Variants in CIAO2A observed in about 807,000 individuals in gnomAD.
CIAO2A encodes the protein MIP18 family protein FAM96A.
A neutral mutation model predicts 22.4 loss-of-function variants in CIAO2A; 17 were observed. The observed-to-expected ratio is 0.76, with a 90% confidence interval of 0.52 to 1.14. The LOEUF is 1.14. Among genes scored for constraint, CIAO2A ranks in the 50% most tolerant of loss-of-function variants. The pLI is 0.00. For synonymous variants in CIAO2A, 74 were observed against 72.3 expected, an observed-to-expected ratio of 1.02 and a Z score of -0.12; for missense variants, 192 against 191.4, an observed-to-expected ratio of 1.00 and a Z score of -0.02.
In CIAO2A at chr15:64,093,651, C is replaced by T. The variant is rs960443007; in HGVS notation, c.118G>A (p.Val40Ile). Residue 40 changes from valine (V) to isoleucine (I), a missense_variant, in exon 1 of 5, where the codon GTT becomes ATT. By Grantham distance (29) the Val-to-Ile change is conservative. Coordinates refer to ENST00000300030, the MANE Select transcript of CIAO2A (RefSeq NM_032231.7). ...GCTGGGTAAAATTAATTACCATAAA[C>T]TTCTAGCGCTTTCTCTTCCATGATC... ...PRIMEEKALEVYDLIRTIRDP... is the reference protein window; with the variant it reads ...PRIMEEKALEIYDLIRTIRDP... The T allele has an allele frequency of 3.7e-6, 6 of 1,613,656 alleles. No individual in the cohort carries two copies. Among genetic ancestry groups the T allele is most frequent in the Non-Finnish European group, 5.1e-6 (6 of 1,179,848 alleles).
chr15:64,091,259 T>A (rs4776837), intron 1 of CIAO2A, among the ~76,000 whole-genome samples: 84,907 of 152,046 alleles, frequency 0.56, 27,752 homozygotes, highest in East Asian at 0.81. Flanking sequence ...GGCAAGTGGA[T>A]CACCCACCTG....
At position 64,093,765 on chromosome 15, in the gene CIAO2A, G is replaced by A. The variant is rs200860299; in HGVS notation, c.4C>T (p.Gln2Ter). ...CAGGAGAGCAGCCCGGACACCCGCTGCATCTTCACGCTCAGCCATCCCTGG... is the reference window on the plus strand; with the variant it reads ...CAGGAGAGCAGCCCGGACACCCGCTACATCTTCACGCTCAGCCATCCCTGG... M[Q>*]RVSGLLSWTL... The change falls in exon 1 of 5, where the codon CAG (glutamine) becomes TAG (stop). Residue 2 changes from glutamine to a stop codon, truncating the protein, a stop_gained. Transcript: ENST00000300030. LOFTEE classifies it high-confidence loss of function. 4 of 1,609,960 alleles carry A rather than the reference G, an allele frequency of 2.5e-6. No individual in the cohort carries two copies. The East Asian group carries it at 8.9e-5, about 36-fold the overall frequency.
chr15:64,084,900 C>G (rs1261835134), intron 2 of CIAO2A, among the ~76,000 whole-genome samples: 4 of 152,070 alleles, frequency 2.6e-5, no homozygotes, highest in Non-Finnish European at 4.4e-5. Context: ...CGAGACCAGC[C>G]TGGCCAACAT....
At chr15:64,077,852 T>C (rs2080730770) in intron 3 of CIAO2A, among the ~76,000 whole-genome samples, 1 of 152,244 alleles carries the variant, frequency 6.6e-6, no homozygotes, top group African/African-American at 2.4e-5. Flanking sequence ...GTAGATGAGA[T>C]GACAGTACTG....
chr15:64,088,923 C>CT, intron 1 of CIAO2A, 72 bp from the exon 2 acceptor site: 1 of 1,425,504 alleles, frequency 7.0e-7, no homozygotes, highest in Non-Finnish European at 9.5e-7. Context: ...TTTGCCAGGC[C>CT]TAATTTAAGC....
At chr15:64,086,542 C>G (rs757065820) in intron 2 of CIAO2A, among the ~76,000 whole-genome samples, 2 of 152,100 alleles carry the variant, frequency 1.3e-5, no homozygotes, top group Non-Finnish European at 2.9e-5. Flanking sequence ...AGTATCTGTT[C>G]GTTCACAAAT....
At chr15:64,084,354 G>C (rs1198446734) in intron 2 of CIAO2A, among the ~76,000 whole-genome samples, 1 of 152,078 alleles carries the variant, frequency 6.6e-6, no homozygotes, top group Non-Finnish European at 1.5e-5. Context: ...GCGTCAAACA[G>C]TATAAACTTC....
intron 2 of CIAO2A, among the ~76,000 whole-genome samples, chr15:64,085,463 T>C (rs1330182492): frequency 6.6e-6 from 1 of 152,098 alleles, no homozygotes; most frequent in Non-Finnish European, 1.5e-5. Flanking sequence ...GATCGTGTCA[T>C]TGCATTCCAG....
chr15:64,072,981 T>G lies in CIAO2A; in HGVS notation c.433A>C (p.Asn145His), dbSNP rs1328146104. The change falls in exon 5 of 5, where the codon AAC (asparagine) becomes CAC (histidine). Residue 145 changes from asparagine (N) to histidine (H), a missense_variant. Transcript: ENST00000300030. ...TCCACAATTTCCCGTAAGTTGGGGT[T>G]TTCCATTGCAGCTGCCACTCGCTCT... ...DKERVAAAME[N>H]PNLREIVEQC... 6.2e-7 allele frequency: 1 copy of G among 1,613,866 alleles called. No individual in the cohort carries two copies. The highest frequency in any genetic ancestry group is 8.5e-7 in the Non-Finnish European group (1 of 1,179,918).
chr15:64,073,560 C>G (rs2080691953), intron 4 of CIAO2A, among the ~76,000 whole-genome samples: 1 of 152,154 alleles, frequency 6.6e-6, no homozygotes, highest in Non-Finnish European at 1.5e-5. Flanking sequence ...AACACCAATA[C>G]ATGAGCTATC....
At chr15:64,081,860 T>C (rs2080761500) in intron 2 of CIAO2A, among the ~76,000 whole-genome samples, 1 of 151,912 alleles carries the variant, frequency 6.6e-6, no homozygotes, top group Non-Finnish European at 1.5e-5. Flanking sequence ...CTTTTTAAAA[T>C]GCCCCACAAC....
In CIAO2A at chr15:64,085,440, T is replaced by C. The variant is rs150310374; in HGVS notation, c.289+3247A>G. Among the ~76,000 whole-genome samples, 931 of 152,232 alleles carry C rather than the reference T, an allele frequency of 6.1e-3. 10 individuals carry two copies. Among genetic ancestry groups the C allele is most frequent in the African/African-American group, 0.019 (778 of 41,536 alleles). ...TTGAGCCCGGGAGGTGGAGGCTGCCTGCAGTGAGCCGAGATCGTGTCATTG... is the reference window on the plus strand; with the variant it reads ...TTGAGCCCGGGAGGTGGAGGCTGCCCGCAGTGAGCCGAGATCGTGTCATTG... On this transcript the variant is annotated intron_variant, in intron 2 of 4. Coordinates refer to ENST00000300030, the MANE Select transcript of CIAO2A (RefSeq NM_032231.7).
At chr15:64,076,862 T>A (rs532811808) in intron 3 of CIAO2A, among the ~76,000 whole-genome samples, 3 of 147,030 alleles carry the variant, frequency 2.0e-5, no homozygotes, top group South Asian at 2.2e-4. Context: ...CTCCCACCCC[T>A]CTCCTCCCTC....
At chr15:64,073,401 A>T (rs115166838) in intron 4 of CIAO2A, among the ~76,000 whole-genome samples, 1,870 of 152,304 alleles carry the variant, frequency 0.012, 35 homozygotes, top group African/African-American at 0.043. Context: ...AATTATGAAG[A>T]CTATGCTACA....
intron 3 of CIAO2A, among the ~76,000 whole-genome samples, chr15:64,080,369 A>C (rs1023369829): frequency 2.0e-5 from 3 of 150,790 alleles, no homozygotes; most frequent in African/African-American, 4.9e-5. Flanking sequence ...GCCTGGCGAC[A>C]GGGCAAGACT....
At chr15:64,082,523 C>G (rs530219031) in intron 2 of CIAO2A, among the ~76,000 whole-genome samples, 3 of 152,022 alleles carry the variant, frequency 2.0e-5, no homozygotes, top group Non-Finnish European at 4.4e-5. Flanking sequence ...CCACCGCGCC[C>G]GACCTTATAG....
At chr15:64,090,501 C>T (rs2080832254) in intron 1 of CIAO2A, among the ~76,000 whole-genome samples, 1 of 152,020 alleles carries the variant, frequency 6.6e-6, no homozygotes, top group Non-Finnish European at 1.5e-5. Flanking sequence ...AAAAAAGAGA[C>T]CCAACAGATC....
chr15:64,077,048 C>T (rs576655591), intron 3 of CIAO2A, among the ~76,000 whole-genome samples: 2 of 152,316 alleles, frequency 1.3e-5, no homozygotes, highest in Admixed American at 6.5e-5. Context: ...CGTGGTGGCT[C>T]ATGCCTGTAA....
rs530112673 is a variant in CIAO2A, at chr15:64,074,095, T to C, written c.386-1067A>G. Among the ~76,000 whole-genome samples, 3 of 152,210 alleles carry C rather than the reference T, an allele frequency of 2.0e-5. No individual in the cohort carries two copies. In the South Asian group the frequency reaches 6.2e-4, roughly 32 times the overall value. ...CATGTCTCTATTAATCTACTAGATC[T>C]TTTTTTAAAATTAGTTTGAATGGAT... On this transcript the variant is annotated intron_variant, in intron 4 of 4. Coordinates refer to ENST00000300030, the MANE Select transcript of CIAO2A (RefSeq NM_032231.7).
Sources: allele counts gnomAD v4.1 joint callset (sites outside exome capture counted in the v4.1 genomes callset), GRCh38; gene constraint gnomAD v4.1.1; transcripts MANE v1.5; gene names NCBI Gene and HGNC (gene_info 2026-07-23, HGNC 2026-07-21).